PDE4D: variants seen among roughly 807,000 people sequenced by gnomAD.
PDE4D encodes the protein 3',5'-cyclic-AMP phosphodiesterase 4D.
PDE4D carries 24 observed loss-of-function variants against 87.4 expected under a neutral mutation model. The ratio of observed to expected loss-of-function variants is 0.27; its 90% CI spans 0.20 to 0.39. The LOEUF (loss-of-function observed/expected upper bound fraction) is 0.39. Among genes scored for constraint, PDE4D ranks in the 10% least tolerant of loss-of-function variants. The pLI is 1.00. For missense variants in PDE4D, 714 were observed against 1,041.0 expected, an observed-to-expected ratio of 0.69 and a Z score of 4.32; for synonymous variants, 384 against 383.2, an observed-to-expected ratio of 1.00 and a Z score of -0.02.
intron 5 of PDE4D, among the ~76,000 whole-genome samples, chr5:59,178,686 G>A (rs1479504325): frequency 6.6e-6 from 1 of 152,152 alleles, no homozygotes; most frequent in African/African-American, 2.4e-5. Flanking sequence ...ACTGGTACCT[G>A]ATGCTGCTCT....
At chr5:59,100,575 G>A (rs536751391) in intron 5 of PDE4D, among the ~76,000 whole-genome samples, 4 of 152,264 alleles carry the variant, frequency 2.6e-5, no homozygotes, top group South Asian at 2.1e-4. Context: ...AACTCCACTC[G>A]TGTAGAAATT....
intron 1 of PDE4D, among the ~76,000 whole-genome samples, chr5:59,433,970 C>G (rs1348776637): frequency 6.6e-6 from 1 of 151,932 alleles, no homozygotes; most frequent in African/African-American, 2.4e-5. Flanking sequence ...TAACTCTACC[C>G]TGGCCTACGT....
At chr5:59,315,133 A>G (rs1053805647) in intron 1 of PDE4D, among the ~76,000 whole-genome samples, 1 of 152,120 alleles carries the variant, frequency 6.6e-6, no homozygotes, top group Non-Finnish European at 1.5e-5. Flanking sequence ...CGCCCAATAA[A>G]TAATAAATTC....
chr5:59,586,521 A>AG, intron 1 of PDE4D: 1 of 1,427,990 alleles, frequency 7.0e-7, no homozygotes, highest in Non-Finnish European at 9.1e-7. Context: ...AAAAAAAAAA[A>AG]TCTCCCCCCA....
intron 1 of PDE4D, among the ~76,000 whole-genome samples, chr5:59,743,112 A>G (rs1759097025): frequency 6.6e-6 from 1 of 152,186 alleles, no homozygotes; most frequent in South Asian, 2.1e-4. Flanking sequence ...ATTATTCTAT[A>G]AAGTGGGGTT....
chr5:60,407,833 C>A (rs1741689690), intron 1 of PDE4D, among the ~76,000 whole-genome samples: 1 of 152,090 alleles, frequency 6.6e-6, no homozygotes, highest in Admixed American at 6.5e-5. Flanking sequence ...CTGCAAAATT[C>A]TTAGACCCTC....
chr5:60,207,763 G>A (rs1562219290), intron 1 of PDE4D, among the ~76,000 whole-genome samples: 1 of 152,182 alleles, frequency 6.6e-6, no homozygotes, highest in Non-Finnish European at 1.5e-5. Context: ...GTTACATGAA[G>A]TGTTCAGAAA....
intron 1 of PDE4D, among the ~76,000 whole-genome samples, chr5:59,559,226 T>C (rs1819512221): frequency 6.6e-6 from 1 of 152,210 alleles, no homozygotes; most frequent in African/African-American, 2.4e-5. Context: ...AAATTTTGCC[T>C]TTTGAGCAAA....
chr5:59,723,698 T>TC (rs1167554343), intron 1 of PDE4D, among the ~76,000 whole-genome samples: 1 of 152,174 alleles, frequency 6.6e-6, no homozygotes, highest in African/African-American at 2.4e-5. Context: ...ATATGGGTTT[T>TC]CACATTAAAA....
At chr5:60,517,780 G>T (rs138771313) in intron 1 of PDE4D, among the ~76,000 whole-genome samples, 1 of 152,204 alleles carries the variant, frequency 6.6e-6, no homozygotes, top group Admixed American at 6.5e-5. Context: ...CCCTCCAGTT[G>T]TCCCTGTACC....
chr5:59,183,724 G>A (rs770221118), intron 4 of PDE4D, among the ~76,000 whole-genome samples: 10 of 152,158 alleles, frequency 6.6e-5, no homozygotes, highest in Non-Finnish European at 1.0e-4. Flanking sequence ...GCACGGCCAC[G>A]TTACATAGAA....
At chr5:59,411,989 C>T (rs1792767653) in intron 1 of PDE4D, among the ~76,000 whole-genome samples, 1 of 152,080 alleles carries the variant, frequency 6.6e-6, no homozygotes, top group African/African-American at 2.4e-5. Context: ...TCTATTTTTG[C>T]AAGGTTCTTG....
chr5:59,202,188 T>C (rs1011466608), intron 2 of PDE4D, among the ~76,000 whole-genome samples: 18 of 151,702 alleles, frequency 1.2e-4, no homozygotes, highest in South Asian at 2.1e-4. Context: ...TACAGGCGCC[T>C]GCCACCATGC....
At chr5:59,473,126 T>C (rs1802736286) in intron 1 of PDE4D, among the ~76,000 whole-genome samples, 1 of 143,446 alleles carries the variant, frequency 7.0e-6, no homozygotes, top group African/African-American at 2.5e-5. Context: ...AAAGAAAGAA[T>C]GACCTAGAAA....
chr5:59,209,995 C>A (rs963890753), intron 2 of PDE4D, among the ~76,000 whole-genome samples: 6 of 152,330 alleles, frequency 3.9e-5, no homozygotes, highest in South Asian at 2.1e-4. Flanking sequence ...TGGCCCTAGT[C>A]CCATCACTCC....
chr5:59,705,425 A>T (rs1753239570), intron 1 of PDE4D, among the ~76,000 whole-genome samples: 1 of 152,090 alleles, frequency 6.6e-6, no homozygotes, highest in Non-Finnish European at 1.5e-5. Flanking sequence ...CAAGCCTGAA[A>T]TGCAAACATA....
At chr5:60,138,156 G>A (rs1450840326) in intron 2 of PDE4D, among the ~76,000 whole-genome samples, 1 of 152,096 alleles carries the variant, frequency 6.6e-6, no homozygotes, top group Non-Finnish European at 1.5e-5. Flanking sequence ...GTTTGTTCTT[G>A]TACCAGTAAC....
At chr5:59,054,685 A>G (rs1762087180) in intron 5 of PDE4D, among the ~76,000 whole-genome samples, 1 of 152,116 alleles carries the variant, frequency 6.6e-6, no homozygotes, top group Admixed American at 6.5e-5. Context: ...GAGCCAATAC[A>G]GAGAATTGAA....
intron 1 of PDE4D, among the ~76,000 whole-genome samples, chr5:59,704,761 A>C (rs1420834659): frequency 1.3e-5 from 2 of 152,188 alleles, no homozygotes; most frequent in Middle Eastern, 3.2e-3. Flanking sequence ...GTAGGGTCCA[A>C]GTCTAGACTT....
Sources: gnomAD v4.1 joint callset for allele counts (sites outside exome capture counted in the v4.1 genomes callset) on GRCh38, gnomAD v4.1.1 for gene constraint, MANE v1.5 for transcripts, NCBI Gene and HGNC (gene_info 2026-07-23, HGNC 2026-07-21) for gene names.